Variants in TFEC observed in about 807,000 individuals in gnomAD.
TFEC encodes transcription factor EC.
Under a neutral mutation model 41.6 loss-of-function variants are expected in TFEC, and 31 were observed. The ratio of observed to expected loss-of-function variants is 0.74; its 90% CI spans 0.56 to 1.01. TFEC has a LOEUF of 1.01. Among genes scored for constraint, TFEC ranks in the 50% least tolerant of loss-of-function variants. TFEC has a pLI of 0.00. For synonymous variants in TFEC, 143 were observed against 140.6 expected, an observed-to-expected ratio of 1.02 and a Z score of -0.12; for missense variants, 402 against 404.1, an observed-to-expected ratio of 0.99 and a Z score of 0.04.
chr7:115,972,574 C>T (rs2130589194), intron 3 of TFEC, among the ~76,000 whole-genome samples: 1 of 152,174 alleles, frequency 6.6e-6, no homozygotes, highest in East Asian at 1.9e-4. Flanking sequence ...GAATATTATG[C>T]TTTACATATA....
rs1411880290 is a variant in TFEC at position 115,935,961 on chromosome 7, G to A, written c.*4590C>T. 6.6e-6 allele frequency: 1 copy of A among 151,544 alleles called. No individual in the cohort carries two copies. The highest frequency in any genetic ancestry group is 1.5e-5 in the Non-Finnish European group (1 of 67,596). The allele number at this position is 151,544 out of a possible 1,614,324, so 9.4% of individuals were successfully genotyped here. On this transcript the variant is annotated 3_prime_UTR_variant, in exon 8 of 8. Transcript: ENST00000265440. Reference sequence around the variant, plus strand: ...GTAGACAATAGTACTTCATCATTAAGTTGGTTGAATCCTGGGAGATATATT... The same window carrying A: ...GTAGACAATAGTACTTCATCATTAAATTGGTTGAATCCTGGGAGATATATT...
In TFEC at chr7:116,009,102, T is replaced by G. The variant is rs112776877; in HGVS notation, c.-73+21531A>C. 8.3e-3 allele frequency among the ~76,000 whole-genome samples: 1,261 copies of G among 152,298 alleles called. 17 individuals carry two copies. Among genetic ancestry groups the G allele is most frequent in the African/African-American group, 0.029 (1,192 of 41,574 alleles). ...TGGTCTATAAAGTCTAAGCTTCCCT[T>G]ACAATTTCATCTACCTCCATTTATA... is the stretch of plus-strand genomic sequence containing the variant. On this transcript the variant is annotated intron_variant, in intron 1 of 7. Coordinates refer to ENST00000265440, the MANE Select transcript of TFEC (RefSeq NM_012252.4).
At chr7:116,125,434 A>T (rs572885855) in intron 1 of TFEC, among the ~76,000 whole-genome samples, 2 of 152,192 alleles carry the variant, frequency 1.3e-5, no homozygotes, top group Non-Finnish European at 2.9e-5. Context: ...CCAAGTTAAG[A>T]AATTTGGCTT....
intron 1 of TFEC, among the ~76,000 whole-genome samples, chr7:116,137,797 C>A (rs1025598666): frequency 2.4e-4 from 36 of 152,006 alleles, no homozygotes; most frequent in Admixed American, 1.9e-3. Context: ...GAACTAAATA[C>A]CTAAGACATT....
Position 115,989,583 on chromosome 7 carries a change from C to T in TFEC, c.-72-5070G>A, listed in dbSNP as rs1476967483. On this transcript the variant is annotated intron_variant, in intron 1 of 7. Transcript: ENST00000265440. ...TTTCCAGAGGAGATTATATCCCATG[C>T]CTGGCTCAGAGGGTCCCATGCCCAC... Among the ~76,000 whole-genome samples, 6 of 152,332 alleles carry T rather than the reference C, an allele frequency of 3.9e-5. No homozygotes were observed. The East Asian group carries it at 9.7e-4, about 25-fold the overall frequency.
chr7:116,047,331 A>AT (rs1796192283), intron 3 of TFEC, among the ~76,000 whole-genome samples: 2 of 152,158 alleles, frequency 1.3e-5, no homozygotes, highest in Non-Finnish European at 2.9e-5. Context: ...TGGTCTTAGC[A>AT]AACGGCACAC....
intron 3 of TFEC, among the ~76,000 whole-genome samples, chr7:116,041,077 C>A (rs1796025156): frequency 6.6e-6 from 1 of 151,988 alleles, no homozygotes; most frequent in South Asian, 2.1e-4. Context: ...TGAAAAGGAT[C>A]GGTTAAAAGT....
intron 3 of TFEC, among the ~76,000 whole-genome samples, chr7:116,044,876 C>G (rs1387701209): frequency 1.3e-5 from 2 of 152,208 alleles, no homozygotes; most frequent in Non-Finnish European, 2.9e-5. Context: ...TATTTCCACT[C>G]AGAAGCACTG....
chr7:115,974,089 C>G (rs1471486273), intron 3 of TFEC, 81 bp downstream of exon 3: 4 of 1,138,532 alleles, frequency 3.5e-6, no homozygotes, highest in Non-Finnish European at 4.9e-6. Context: ...GAAAAAAGCA[C>G]CAGTTGCTAA....
At chr7:115,995,943 C>G (rs1347135277) in intron 1 of TFEC, among the ~76,000 whole-genome samples, 1 of 152,198 alleles carries the variant, frequency 6.6e-6, no homozygotes, top group African/African-American at 2.4e-5. Context: ...TTAGTTCTTG[C>G]AAGTCTCACC....
chr7:116,096,284 T>G (rs1331235949), intron 3 of TFEC, among the ~76,000 whole-genome samples: 12 of 152,192 alleles, frequency 7.9e-5, no homozygotes, highest in Non-Finnish European at 1.8e-4. Flanking sequence ...TTATAAAATC[T>G]CTGACTGTTG....
intron 3 of TFEC, among the ~76,000 whole-genome samples, chr7:116,051,362 G>GA (rs1796308083): frequency 6.6e-6 from 1 of 152,140 alleles, no homozygotes; most frequent in Admixed American, 6.5e-5. Flanking sequence ...TATTACAAAT[G>GA]AGAAAACTGA....
At chr7:115,961,739 T>C (rs1188418034) in intron 3 of TFEC, among the ~76,000 whole-genome samples, 4 of 151,804 alleles carry the variant, frequency 2.6e-5, no homozygotes, top group African/African-American at 9.7e-5. Flanking sequence ...GTTTCTCCAC[T>C]AAGCTTAGGA....
chr7:115,958,646 C>G (rs756146457), intron 3 of TFEC, among the ~76,000 whole-genome samples: 26 of 151,866 alleles, frequency 1.7e-4, no homozygotes, highest in Non-Finnish European at 3.8e-4. Flanking sequence ...ATTACCTAGT[C>G]AGACAGCACC....
At chr7:116,116,555 GA>G (rs1481164282) in intron 1 of TFEC, among the ~76,000 whole-genome samples, 4 of 151,936 alleles carry the variant, frequency 2.6e-5, no homozygotes, top group African/African-American at 9.7e-5. Context: ...ATATAAAATA[GA>G]GAAAGGATTT....
rs139911257 is a variant in TFEC, at chr7:116,066,482, G to GTT, written c.198+44224_198+44225dup. ...AGTCATGTTTTTAAAACTATCAGGG[G>GTT]TTATATATATATATATGAGATAAAT... is the stretch of plus-strand genomic sequence containing the variant. On this transcript the variant is annotated intron_variant, in intron 3 of 8. Coordinates refer to the TFEC transcript ENST00000484212. 4.7e-3 allele frequency among the ~76,000 whole-genome samples: 706 copies of GTT among 151,820 alleles called. 2 individuals carry two copies. Among genetic ancestry groups the GTT allele is most frequent in the Non-Finnish European group, 6.9e-3 (467 of 67,926 alleles).
chr7:116,012,118 AG>A (rs1383190771), intron 1 of TFEC, among the ~76,000 whole-genome samples: 1 of 152,328 alleles, frequency 6.6e-6, no homozygotes, highest in Admixed American at 6.5e-5. Flanking sequence ...TAGAAGCTTA[AG>A]GCCCTCTACA....
chr7:116,033,634 G>T (rs556935002), upstream of TFEC, among the ~76,000 whole-genome samples: 5 of 152,016 alleles, frequency 3.3e-5, no homozygotes, highest in Admixed American at 1.3e-4. Flanking sequence ...CTTATGCAGA[G>T]AATAGCTCTC....
intron 1 of TFEC, among the ~76,000 whole-genome samples, chr7:116,007,119 G>A (rs1263145799): frequency 6.6e-6 from 1 of 152,082 alleles, no homozygotes; most frequent in Non-Finnish European, 1.5e-5. Context: ...TGTATCTACG[G>A]TTTTACCTTT....
Sources: gnomAD v4.1 joint callset for allele counts (sites outside exome capture counted in the v4.1 genomes callset) on GRCh38, gnomAD v4.1.1 for gene constraint, MANE v1.5 for transcripts, NCBI Gene and HGNC (gene_info 2026-07-23, HGNC 2026-07-21) for gene names.